The following DIP2C variants were observed in gnomAD, a reference collection of about 807,000 sequenced individuals.
The protein encoded by DIP2C is disco-interacting protein 2 homolog C.
Under a neutral mutation model 192.4 loss-of-function variants are expected in DIP2C, and 33 were observed. That is an observed-to-expected ratio of 0.17 (90% CI 0.13 to 0.23). The LOEUF (loss-of-function observed/expected upper bound fraction) is 0.23, where lower values mean the gene tolerates loss of function less well. Among genes scored for constraint, DIP2C ranks in the 10% least tolerant of loss-of-function variants. The pLI, the probability that DIP2C is intolerant of heterozygous loss-of-function variation, is 1.00. For synonymous variants in DIP2C, 979 were observed against 864.1 expected (o/e 1.13, Z -2.33); for missense variants, 1,537 against 2,110.1 (o/e 0.73, Z 5.32).
Position 469,881 on chromosome 10 carries a change from T to C in DIP2C, c.268+2558A>G, listed in dbSNP as rs1970491543. On this transcript the variant is annotated intron_variant, in intron 3 of 36. Coordinates refer to ENST00000280886, the MANE Select transcript of DIP2C (RefSeq NM_014974.3). ...TCCCCAAATGTGTCACACTCCCTCATCTTCCTTCAAAATATAGAAGCCAGG... is the reference window on the plus strand; with the variant it reads ...TCCCCAAATGTGTCACACTCCCTCACCTTCCTTCAAAATATAGAAGCCAGG... Among the ~76,000 whole-genome samples the C allele has an allele frequency of 2.0e-5, 3 of 152,194 alleles. No individual in the cohort carries two copies. In the South Asian group the frequency reaches 6.2e-4, roughly 32 times the overall value.
At chr10:671,187 G>A (rs1830615023) in intron 1 of DIP2C, among the ~76,000 whole-genome samples, 1 of 152,232 alleles carries the variant, frequency 6.6e-6, no homozygotes, top group Non-Finnish European at 1.5e-5. Context: ...CATGCCACAC[G>A]CCTGACACAG....
intron 2 of DIP2C, among the ~76,000 whole-genome samples, chr10:473,188 G>A (rs1220607120): frequency 1.3e-5 from 2 of 152,132 alleles, no homozygotes; most frequent in African/African-American, 4.8e-5. Flanking sequence ...AATGGTATTG[G>A]TCAAAACATT....
chr10:301,443 G>T (rs1026247588), intron 32 of DIP2C, among the ~76,000 whole-genome samples: 1 of 152,126 alleles, frequency 6.6e-6, no homozygotes, highest in Non-Finnish European at 1.5e-5. Context: ...CAGCTGCAGC[G>T]GGTCACAGTG....
intron 3 of DIP2C, among the ~76,000 whole-genome samples, chr10:466,142 T>C (rs182015357): frequency 0.013 from 1,941 of 149,354 alleles, 42 homozygotes; most frequent in African/African-American, 0.045. Flanking sequence ...CAAACTTTAC[T>C]ACAAAGCTAC....
intron 3 of DIP2C, among the ~76,000 whole-genome samples, chr10:457,061 T>A (rs1276623106): frequency 1.3e-5 from 2 of 152,198 alleles, no homozygotes; most frequent in Non-Finnish European, 2.9e-5. Context: ...CACCTCCAAT[T>A]ACGGCACAAT....
At chr10:478,797 T>A (rs1159963628) in intron 2 of DIP2C, among the ~76,000 whole-genome samples, 1 of 151,752 alleles carries the variant, frequency 6.6e-6, no homozygotes, top group Admixed American at 6.6e-5. Flanking sequence ...ACATCCAAAT[T>A]CCCATCTTAT....
intron 17 of DIP2C, among the ~76,000 whole-genome samples, chr10:377,581 T>A (rs1007183753): frequency 1.3e-5 from 2 of 152,192 alleles, no homozygotes; most frequent in Non-Finnish European, 2.9e-5. Flanking sequence ...TTCTCTTACA[T>A]GCGGGATTAT....
Position 495,214 on chromosome 10 carries a change from G to A in DIP2C, c.86-8684C>T, listed in dbSNP as rs766310089. 2.4e-4 allele frequency among the ~76,000 whole-genome samples: 36 copies of A among 152,160 alleles called. 2 individuals are homozygous for A. Among genetic ancestry groups the A allele is most frequent in the South Asian group, 1.4e-3 (7 of 4,828 alleles). On this transcript the variant is annotated intron_variant, in intron 1 of 36. Coordinates refer to ENST00000280886, the MANE Select transcript of DIP2C (RefSeq NM_014974.3). ...AACAGAGTGGAATAGGGGTTAGCAG[G>A]GACTGGGGAAGGGGAAACAGGGAGA... is the stretch of plus-strand genomic sequence containing the variant.
intron 5 of DIP2C, among the ~76,000 whole-genome samples, chr10:421,925 A>G (rs891792694): frequency 6.6e-6 from 1 of 152,174 alleles, no homozygotes; most frequent in African/African-American, 2.4e-5. Context: ...ACCCAAGTCA[A>G]TCCAAAACGC....
At chr10:669,905 G>T (rs142093509) in intron 1 of DIP2C, among the ~76,000 whole-genome samples, 1 of 152,284 alleles carries the variant, frequency 6.6e-6, no homozygotes, top group Non-Finnish European at 1.5e-5. Flanking sequence ...CTTTGTTTTG[G>T]AATTTATTCA....
chr10:393,044 G>A (rs1315750167), intron 10 of DIP2C, among the ~76,000 whole-genome samples: 1 of 152,216 alleles, frequency 6.6e-6, no homozygotes, highest in Non-Finnish European at 1.5e-5. Context: ...ACCTGGACTA[G>A]TGGCTTTCCT....
intron 17 of DIP2C, among the ~76,000 whole-genome samples, chr10:374,127 GGT>G (rs1451434366): frequency 6.6e-6 from 1 of 152,108 alleles, no homozygotes; most frequent in Non-Finnish European, 1.5e-5. Context: ...CATCTGTGTA[GGT>G]GTGTGCACCA....
Position 603,752 on chromosome 10 carries a change from A to G in DIP2C, c.85+85742T>C, listed in dbSNP as rs371419712. Among the ~76,000 whole-genome samples, 222 of 152,314 alleles carry G rather than the reference A, an allele frequency of 1.5e-3. 4 individuals carry two copies. In the South Asian group the frequency reaches 0.018, roughly 12 times the overall value. The stretch of plus-strand genomic sequence containing the variant: ...TAACTTCCTATTGCTGCTGCAACAA[A>G]TTACCACACACGCAGACCTCCTCTC... On this transcript the variant is annotated intron_variant, in intron 1 of 36. Coordinates refer to ENST00000280886, the MANE Select transcript of DIP2C (RefSeq NM_014974.3).
intron 1 of DIP2C, among the ~76,000 whole-genome samples, chr10:688,012 C>T (rs1239365013): frequency 6.6e-6 from 1 of 152,148 alleles, no homozygotes; most frequent in African/African-American, 2.4e-5. Flanking sequence ...GCACCTGGGC[C>T]GAGACGCAAG....
chr10:602,532 C>T (rs1244738188), intron 1 of DIP2C, among the ~76,000 whole-genome samples: 1 of 152,242 alleles, frequency 6.6e-6, no homozygotes, highest in Non-Finnish European at 1.5e-5. Context: ...AGGAGCCCTC[C>T]TGCTCCTCCG....
intron 4 of DIP2C, among the ~76,000 whole-genome samples, chr10:439,243 G>A (rs1288024445): frequency 6.6e-6 from 1 of 151,240 alleles, no homozygotes; most frequent in Non-Finnish European, 1.5e-5. Flanking sequence ...AACCTTGCTA[G>A]CACGGCGTTC....
intron 1 of DIP2C, chr10:650,136 A>C (rs1188052074): frequency 2.8e-6 from 2 of 716,660 alleles, no homozygotes; most frequent in Non-Finnish European, 5.2e-6. Flanking sequence ...TGGGACAAGG[A>C]CCCCCCAGGA....
At chr10:530,054 G>A (rs932758675) in intron 1 of DIP2C, among the ~76,000 whole-genome samples, 4 of 152,240 alleles carry the variant, frequency 2.6e-5, no homozygotes, top group African/African-American at 7.2e-5. Flanking sequence ...CCGGTTGCCC[G>A]AGCTCTGCAC....
At chr10:428,050 C>T (rs1966708857) in intron 4 of DIP2C, among the ~76,000 whole-genome samples, 1 of 152,136 alleles carries the variant, frequency 6.6e-6, no homozygotes, top group Admixed American at 6.5e-5. Flanking sequence ...TTAGATCCAT[C>T]TAACAGAATA....
Sources: allele counts gnomAD v4.1 joint callset (sites outside exome capture counted in the v4.1 genomes callset), GRCh38; gene constraint gnomAD v4.1.1; transcripts MANE v1.5; gene names NCBI Gene and HGNC (gene_info 2026-07-23, HGNC 2026-07-21).